CEP350: variants seen among roughly 807,000 people sequenced by gnomAD.
The protein encoded by CEP350 is centrosomal protein 350.
In CEP350, 126 loss-of-function variants were observed where a neutral mutation model predicts 331.8. The observed-to-expected ratio is 0.38, with a 90% CI of 0.33 to 0.44. CEP350 has a LOEUF of 0.44. CEP350 is among the 20% of genes least tolerant of loss of function. The pLI is 1.00. For synonymous variants in CEP350, 1,200 were observed against 1,259.5 expected, an observed-to-expected ratio of 0.95 and a Z score of 1.00; for missense variants, 3,406 against 3,634.6, an observed-to-expected ratio of 0.94 and a Z score of 1.62.
chr1:180,018,069 G>T (rs992329144), intron 11 of CEP350, among the ~76,000 whole-genome samples: 1 of 152,142 alleles, frequency 6.6e-6, no homozygotes, highest in Non-Finnish European at 1.5e-5. Flanking sequence ...GCAGTGGCAC[G>T]ATCATAGCTT....
intron 7 of CEP350, among the ~76,000 whole-genome samples, chr1:180,003,774 T>C (rs1001796390): frequency 2.0e-5 from 3 of 152,200 alleles, no homozygotes; most frequent in Non-Finnish European, 4.4e-5. Flanking sequence ...CTAATAATGG[T>C]ACTACCTACC....
chr1:180,105,049 C>T (rs1320487213), intron 37 of CEP350, among the ~76,000 whole-genome samples: 1 of 152,046 alleles, frequency 6.6e-6, no homozygotes, highest in Non-Finnish European at 1.5e-5. Flanking sequence ...TTTTTACACT[C>T]CCTAATCTGT....
chr1:180,056,239 T>C (rs1370432956), intron 25 of CEP350, among the ~76,000 whole-genome samples: 1 of 152,186 alleles, frequency 6.6e-6, no homozygotes, highest in Non-Finnish European at 1.5e-5. Context: ...TATTTACTGC[T>C]TTCCATTGTT....
At chr1:180,015,092 G>T (rs1297999153) in intron 10 of CEP350, among the ~76,000 whole-genome samples, 1 of 152,144 alleles carries the variant, frequency 6.6e-6, no homozygotes, top group Non-Finnish European at 1.5e-5. Flanking sequence ...TTCATGTTGA[G>T]TAGGCTGAGA....
chr1:180,088,526 G>A (rs1265045006), intron 32 of CEP350, among the ~76,000 whole-genome samples: 4 of 151,930 alleles, frequency 2.6e-5, no homozygotes, highest in African/African-American at 4.8e-5. Flanking sequence ...TGAAAACCTT[G>A]TACTCATTTA....
Position 180,024,476 on chromosome 1 carries a change from C to G in CEP350, c.3444C>G (p.Ser1148=), listed in dbSNP as rs1444699693. 11 of 1,613,284 alleles carry G rather than the reference C, an allele frequency of 6.8e-6. No homozygotes were observed. Among genetic ancestry groups the G allele is most frequent in the Non-Finnish European group, 9.3e-6 (11 of 1,179,578 alleles). The change falls in exon 14 of 38, where the codon TCC becomes TCG. Residue 1148 remains serine (S), a synonymous_variant. Transcript: ENST00000367607. The part of the protein sequence containing the change: ...HSNRKSAYDP[S]SVDVTSQHSS... ...ACAGAAAGTCTGCCTATGATCCTTC[C>G]TCTGTGGATGTTACCTCCCAGCATT... is the stretch of plus-strand genomic sequence containing the variant.
Position 180,066,219 on chromosome 1 carries a change from A to G in CEP350, c.5567+947A>G, listed in dbSNP as rs564892509. ...CTTTACTCTTTGGGGTGTATATTTA[A>G]TTAAATACGGTTAAAAATTAGCTGC... On this transcript the variant is annotated intron_variant, in intron 27 of 37. Coordinates refer to ENST00000367607, the MANE Select transcript of CEP350 (RefSeq NM_014810.5). Among the ~76,000 whole-genome samples the G allele has an allele frequency of 5.9e-5, 9 of 152,308 alleles. No homozygotes were observed. The South Asian group carries it at 1.2e-3, about 21-fold the overall frequency.
intron 29 of CEP350, among the ~76,000 whole-genome samples, chr1:180,080,116 T>A (rs1659471530): frequency 6.6e-6 from 1 of 152,190 alleles, no homozygotes; most frequent in Non-Finnish European, 1.5e-5. Flanking sequence ...GTGGGCAAAC[T>A]TCTTACGCTC....
chr1:180,087,691 G>A lies in CEP350; in HGVS notation c.6399G>A (p.Lys2133=), dbSNP rs144934954. 8.8e-6 allele frequency: 14 copies of A among 1,584,438 alleles called. No individual in the cohort carries two copies. The African/African-American group carries it at 1.9e-4, about 21-fold the overall frequency. Residue 2133 remains lysine (K), a synonymous_variant, in exon 32 of 38, where the codon AAG becomes AAA. Coordinates refer to ENST00000367607, the MANE Select transcript of CEP350 (RefSeq NM_014810.5). ...KTLSSASEKP[K]IKPLTPLHRS... ...TCTCCTCAGCTTCTGAAAAACCCAAGATCAAACCCCTCACACCACTACACA... is the reference window on the plus strand; with the variant it reads ...TCTCCTCAGCTTCTGAAAAACCCAAAATCAAACCCCTCACACCACTACACA...
chr1:180,098,872 G>A lies in CEP350; in HGVS notation c.9076G>A (p.Ala3026Thr), dbSNP rs1660639911. Residue 3026 changes from alanine (A) to threonine (T), a missense_variant, in exon 37 of 38, where the codon GCA (alanine) becomes ACA (threonine). Ala to Thr is a moderately conservative substitution (Grantham distance 58). Around this residue, in one of 5 missense-constraint regions of CEP350, gnomAD observed 1,415 missense variants for 1,512.3 expected, o/e 0.94. Transcript: ENST00000367607. Reference protein sequence around the residue: ...NNLDEIKSFIASEVLKLFSLK... With the variant: ...NNLDEIKSFITSEVLKLFSLK... ...TGTCTTGTTTCCACAGAGCTTCATA[G>A]CAAGTGAAGTACTCAAGTTGTTCAG... is the stretch of plus-strand genomic sequence containing the variant. The A allele has an allele frequency of 1.2e-6, 2 of 1,612,580 alleles. No homozygotes were observed. Among genetic ancestry groups the A allele is most frequent in the Non-Finnish European group, 8.5e-7 (1 of 1,179,270 alleles).
intron 37 of CEP350, 146 bp downstream of exon 37, chr1:180,099,131 C>T (rs1660651264): frequency 1.3e-6 from 1 of 767,516 alleles, no homozygotes. Context: ...CATTTCTACC[C>T]CTCAGTTTTG....
intron 32 of CEP350, among the ~76,000 whole-genome samples, chr1:180,088,125 ATATATT>A (rs1470138047): frequency 6.6e-6 from 1 of 152,158 alleles, no homozygotes; most frequent in African/African-American, 2.4e-5. Context: ...ATTTGCATGA[ATATATT>A]TATAATAACA....
Position 180,045,253 on chromosome 1 carries a change from A to C in CEP350, c.4622+1080A>C, listed in dbSNP as rs1476098383. 2.0e-5 allele frequency among the ~76,000 whole-genome samples: 3 copies of C among 152,242 alleles called. No individual in the cohort carries two copies. The East Asian group carries it at 5.8e-4, about 29-fold the overall frequency. The stretch of plus-strand genomic sequence containing the variant: ...GCTACTCAGGAGGCTGAGGCATGAG[A>C]ATCTCTTGAACTAGGGAGGCAGAGG... On this transcript the variant is annotated intron_variant, in intron 21 of 37. Transcript: ENST00000367607.
At chr1:180,045,637 C>CA (rs1657070355) in intron 21 of CEP350, among the ~76,000 whole-genome samples, 1 of 152,200 alleles carries the variant, frequency 6.6e-6, no homozygotes, top group South Asian at 2.1e-4. Flanking sequence ...ACTGAAACTT[C>CA]ATGTAAACCA....
chr1:179,960,942 A>AG (rs1650561358), intron 1 of CEP350, among the ~76,000 whole-genome samples: 1 of 152,056 alleles, frequency 6.6e-6, no homozygotes, highest in South Asian at 2.1e-4. Context: ...TGGCATACTG[A>AG]GGGGTCTGTG....
intron 6 of CEP350, among the ~76,000 whole-genome samples, chr1:180,002,808 A>G (rs1653954007): frequency 6.6e-6 from 1 of 152,230 alleles, no homozygotes; most frequent in Non-Finnish European, 1.5e-5. Flanking sequence ...TTGAACCTTG[A>G]AAACATTATG....
intron 37 of CEP350, among the ~76,000 whole-genome samples, chr1:180,110,436 C>T (rs562500190): frequency 6.6e-5 from 10 of 152,272 alleles, no homozygotes; most frequent in South Asian, 2.1e-4. Context: ...GGGTAAACAC[C>T]GATACTCTCC....
At position 180,008,694 on chromosome 1, in the gene CEP350, G is replaced by T. The variant is rs552939311; in HGVS notation, c.1246+2127G>T. On this transcript the variant is annotated intron_variant, in intron 8 of 37. Coordinates refer to ENST00000367607, the MANE Select transcript of CEP350 (RefSeq NM_014810.5). ...ACTTAGACAATACATTGGTAAGCAAGATGCATCTAGCCCCTGCCTTCATGG... is the reference window on the plus strand; with the variant it reads ...ACTTAGACAATACATTGGTAAGCAATATGCATCTAGCCCCTGCCTTCATGG... Among the ~76,000 whole-genome samples, 4 of 152,328 alleles carry T rather than the reference G, an allele frequency of 2.6e-5. No individual in the cohort carries two copies. In the East Asian group the frequency reaches 7.7e-4, roughly 29 times the overall value.
chr1:180,111,296 G>A lies in CEP350; in HGVS notation c.*135G>A. 9.6e-7 allele frequency: 1 copy of A among 1,043,118 alleles called. No individual in the cohort carries two copies. Among genetic ancestry groups the A allele is most frequent in the Non-Finnish European group, 1.4e-6 (1 of 726,676 alleles). 64.6% of individuals were successfully genotyped at this position (1,043,118 alleles called of 1,614,324 possible). The stretch of plus-strand genomic sequence containing the variant: ...TATTCTTAAAGACTACCAGTATGGA[G>A]TTCATAGGACAATGTGGTACACCTG... On this transcript the variant is annotated 3_prime_UTR_variant, in exon 38 of 38. Coordinates refer to ENST00000367607, the MANE Select transcript of CEP350 (RefSeq NM_014810.5).
Sources: allele counts gnomAD v4.1 joint callset (sites outside exome capture counted in the v4.1 genomes callset), GRCh38; gene constraint gnomAD v4.1.1; regional missense constraint gnomAD v4.1.1; transcripts MANE v1.5; gene names NCBI Gene and HGNC (gene_info 2026-07-23, HGNC 2026-07-21).